The following CCDC30 variants were observed in gnomAD, a reference collection of about 807,000 sequenced individuals.
CCDC30 encodes the protein coiled-coil domain containing 30.
In CCDC30, 70 loss-of-function variants were observed where a neutral mutation model predicts 100.2. That is an observed-to-expected ratio of 0.70 (90% CI 0.58 to 0.85). The LOEUF is 0.85. CCDC30 is among the 40% of genes least tolerant of loss of function. CCDC30 has a pLI of 0.00. For missense variants in CCDC30, 652 were observed against 771.2 expected, an observed-to-expected ratio of 0.85 and a Z score of 1.83; for synonymous variants, 233 against 269.5, an observed-to-expected ratio of 0.86 and a Z score of 1.33.
chr1:42,498,324 T>A (rs995314684), intron 5 of CCDC30, among the ~76,000 whole-genome samples: 2 of 152,138 alleles, frequency 1.3e-5, no homozygotes, highest in Non-Finnish European at 2.9e-5. Flanking sequence ...AGAGTTTCAG[T>A]GCAAGATGAA....
intron 3 of CCDC30, among the ~76,000 whole-genome samples, chr1:42,488,961 T>C (rs561458727): frequency 1.6e-4 from 25 of 152,316 alleles, no homozygotes; most frequent in African/African-American, 5.8e-4. Flanking sequence ...GACCAGGCAG[T>C]ATTAGACTAT....
intron 6 of CCDC30, among the ~76,000 whole-genome samples, chr1:42,563,129 A>G (rs556176216): frequency 2.6e-5 from 4 of 152,356 alleles, no homozygotes; most frequent in Non-Finnish European, 5.9e-5. Flanking sequence ...AATATAAATC[A>G]TTCTACTGTA....
At chr1:42,541,477 G>A (rs776936301) in intron 6 of CCDC30, among the ~76,000 whole-genome samples, 4 of 152,146 alleles carry the variant, frequency 2.6e-5, no homozygotes, top group Non-Finnish European at 5.9e-5. Flanking sequence ...GTTTTCTCAC[G>A]ATGTAATTCA....
At chr1:42,488,259 A>G (rs1265862788) in intron 3 of CCDC30, among the ~76,000 whole-genome samples, 1 of 152,190 alleles carries the variant, frequency 6.6e-6, no homozygotes, top group Non-Finnish European at 1.5e-5. Flanking sequence ...GTTACAACCA[A>G]TACAGTTTTA....
intron 16 of CCDC30, 33 bp downstream of exon 20, chr1:42,653,476 T>C: frequency 1.7e-5 from 22 of 1,326,172 alleles, no homozygotes; most frequent in Non-Finnish European, 2.2e-5. Flanking sequence ...AAGTCAAGTC[T>C]ATCTGAGATG....
At chr1:42,629,969 A>AT (rs4019432) in intron 11 of CCDC30, among the ~76,000 whole-genome samples, 1,346 of 90,094 alleles carry the variant, frequency 0.015, 38 homozygotes, top group African/African-American at 0.042. Flanking sequence ...ATGTCCCCCT[A>AT]TTTTTTTTTT....
intron 1 of CCDC30, among the ~76,000 whole-genome samples, chr1:42,467,152 C>T (rs1410513279): frequency 2.0e-5 from 3 of 152,118 alleles, no homozygotes; most frequent in Non-Finnish European, 4.4e-5. Context: ...GCTAGAGAGA[C>T]TGGGAGGAAC....
intron 11 of CCDC30, among the ~76,000 whole-genome samples, chr1:42,620,872 T>C (rs1184559299): frequency 6.6e-6 from 1 of 152,202 alleles, no homozygotes; most frequent in Non-Finnish European, 1.5e-5. Flanking sequence ...ATGAAGGGGC[T>C]TGGAGTTTCT....
intron 11 of CCDC30, among the ~76,000 whole-genome samples, chr1:42,626,591 G>A (rs1407860771): frequency 1.3e-5 from 2 of 151,998 alleles, no homozygotes; most frequent in Non-Finnish European, 2.9e-5. Flanking sequence ...CACTGTGTCC[G>A]CAGCCAAATC....
At chr1:42,553,117 G>C (rs754236577) in intron 6 of CCDC30, among the ~76,000 whole-genome samples, 9 of 152,162 alleles carry the variant, frequency 5.9e-5, no homozygotes, top group Non-Finnish European at 1.2e-4. Context: ...GTAGGTAGGT[G>C]TCCAAAATTG....
chr1:42,632,930 C>A (rs1267096548), intron 11 of CCDC30, among the ~76,000 whole-genome samples: 1 of 151,994 alleles, frequency 6.6e-6, no homozygotes, highest in East Asian at 2.0e-4. Flanking sequence ...GTGCTTCAGT[C>A]TCCTGAGTAG....
At chr1:42,610,884 CT>C (rs34595968) in intron 10 of CCDC30, 93 bp from the exon 15 acceptor site, 148,793 of 482,892 alleles carry the variant, frequency 0.31, 4,930 homozygotes, top group Middle Eastern at 0.34. Flanking sequence ...TGACTATAAG[CT>C]TTTTTTTTTT....
chr1:42,590,212 T>G (rs1225325619), intron 10 of CCDC30: 2 of 152,286 alleles, frequency 1.3e-5, no homozygotes, highest in Non-Finnish European at 2.9e-5. Context: ...CACCAGAAGC[T>G]GACCAGATGC....
At chr1:42,500,106 C>A in intron 6 of CCDC30, 1 of 1,133,844 alleles carries the variant, frequency 8.8e-7, no homozygotes, top group Non-Finnish European at 1.3e-6. Context: ...AAACTTGATC[C>A]AACCTCTTTG....
intron 11 of CCDC30, among the ~76,000 whole-genome samples, chr1:42,629,969 ATTTTTTTTTT>A (rs4019432): frequency 6.7e-5 from 6 of 90,122 alleles, no homozygotes; most frequent in African/African-American, 1.3e-4. Context: ...ATGTCCCCCT[ATTTTTTTTTT>A]TTTTTTTTTT....
upstream of CCDC30, chr1:42,460,094 T>C (rs879216175): frequency 2.9e-6 from 4 of 1,374,474 alleles, no homozygotes; most frequent in Non-Finnish European, 2.8e-6. Flanking sequence ...ACACCTGATA[T>C]GATGTCATTT....
chr1:42,542,800 G>C (rs1293405165), intron 6 of CCDC30: 1 of 112,444 alleles, frequency 8.9e-6, no homozygotes, highest in Non-Finnish European at 2.1e-5. Context: ...TGATCCACCC[G>C]CCTCGGCCTC....
intron 1 of CCDC30, among the ~76,000 whole-genome samples, chr1:42,476,965 A>AT (rs1163232343): frequency 6.9e-6 from 1 of 145,950 alleles, no homozygotes; most frequent in Admixed American, 6.9e-5. Context: ...CTGTACCCTC[A>AT]TTTTTTCCTT....
chr1:42,577,439 A>C (rs1645863229), intron 8 of CCDC30, among the ~76,000 whole-genome samples: 1 of 152,198 alleles, frequency 6.6e-6, no homozygotes, highest in African/African-American at 2.4e-5. Flanking sequence ...GGGCTTAAAA[A>C]GGTCAGTTTT....
Sources: gnomAD v4.1 joint callset for allele counts (sites outside exome capture counted in the v4.1 genomes callset) on GRCh38, gnomAD v4.1.1 for gene constraint, MANE v1.5 for transcripts, NCBI Gene and HGNC (gene_info 2026-07-23, HGNC 2026-07-21) for gene names.